The following CHN2 variants were observed in gnomAD, a reference collection of about 807,000 sequenced individuals.
CHN2 encodes beta-chimaerin.
In CHN2, 35 loss-of-function variants were observed where a neutral mutation model predicts 56.3. That is an observed-to-expected ratio of 0.62 (90% confidence interval 0.47 to 0.82). The LOEUF is 0.82. CHN2 is among the 40% of genes least tolerant of loss of function. The pLI is 0.00. For missense variants in CHN2, 491 were observed against 580.5 expected, an observed-to-expected ratio of 0.85 and a Z score of 1.58; for synonymous variants, 210 against 212.8, an observed-to-expected ratio of 0.99 and a Z score of 0.12.
intron 1 of CHN2, among the ~76,000 whole-genome samples, chr7:29,232,691 C>T (rs761596252): frequency 3.3e-5 from 5 of 152,200 alleles, no homozygotes; most frequent in Non-Finnish European, 5.9e-5. Context: ...TCATTCCTTT[C>T]CATCTGAGCT....
intron 7 of CHN2, among the ~76,000 whole-genome samples, chr7:29,491,013 TGTAA>T (rs1788603391): frequency 1.3e-5 from 2 of 152,242 alleles, no homozygotes; most frequent in African/African-American, 4.8e-5. Context: ...AATTTATCTT[TGTAA>T]GTCTTTCAAT....
rs1787034243 is a variant in CHN2, at chr7:29,480,273, TCA to T, written c.577-3_577-2del. 6.2e-7 allele frequency: 1 copy of T among 1,614,106 alleles called. No homozygotes were observed. Among genetic ancestry groups the T allele is most frequent in the South Asian group, 1.1e-5 (1 of 91,088 alleles). Reference sequence around the variant, plus strand: ...GCCCCCTCTCAAACTCTTTGCCTGTTCACAGATCTCCTCCCTGGTTCGAAGGG... The same window carrying T: ...GCCCCCTCTCAAACTCTTTGCCTGTTCAGATCTCCTCCCTGGTTCGAAGGG... On this transcript the variant is annotated splice_polypyrimidine_tract_variant and splice_region_variant and intron_variant, in intron 6 of 12. Transcript: ENST00000222792.
At chr7:29,210,623 A>G (rs1282895224) in intron 1 of CHN2, among the ~76,000 whole-genome samples, 1 of 150,982 alleles carries the variant, frequency 6.6e-6, no homozygotes, top group Non-Finnish European at 1.5e-5. Flanking sequence ...TCTTATATAT[A>G]TAATTATATC....
At chr7:29,486,046 C>T (rs1787952327) in intron 7 of CHN2, among the ~76,000 whole-genome samples, 1 of 152,120 alleles carries the variant, frequency 6.6e-6, no homozygotes, top group Admixed American at 6.5e-5. Context: ...CAGCCTGTAC[C>T]AGCTTCCCTT....
intron 7 of CHN2, among the ~76,000 whole-genome samples, chr7:29,492,902 C>T (rs564266693): frequency 2.6e-4 from 40 of 152,278 alleles, no homozygotes; most frequent in Middle Eastern, 6.8e-3. Context: ...CATTCTTCAC[C>T]TCTTGGCTTC....
chr7:29,344,994 C>T (rs1661645205), intron 1 of CHN2, among the ~76,000 whole-genome samples: 1 of 152,246 alleles, frequency 6.6e-6, no homozygotes, highest in South Asian at 2.1e-4. Context: ...TGAGCACCTG[C>T]TGTGTCCTGG....
chr7:29,502,645 C>T (rs959344967), intron 9 of CHN2, among the ~76,000 whole-genome samples: 5 of 152,132 alleles, frequency 3.3e-5, no homozygotes, highest in African/African-American at 9.7e-5. Flanking sequence ...TACAGGGTGA[C>T]GCTTTGCTCA....
rs1791818585 is a variant in CHN2, at chr7:29,514,242, A to G, written c.*1507A>G. Reference sequence around the variant, plus strand: ...CAAAAAATTATCTGGAAATGGTTTTATTTTGTGAAGTGAACAATACTTTGT... The same window carrying G: ...CAAAAAATTATCTGGAAATGGTTTTGTTTTGTGAAGTGAACAATACTTTGT... On this transcript the variant is annotated 3_prime_UTR_variant, in exon 13 of 13. Coordinates refer to ENST00000222792, the MANE Select transcript of CHN2 (RefSeq NM_004067.4). 2 of 152,606 alleles carry G rather than the reference A, an allele frequency of 1.3e-5. No individual in the cohort carries two copies. The highest frequency in any genetic ancestry group is 4.1e-4 in the South Asian group (2 of 4,830). The allele number at this position is 152,606 out of a possible 1,614,324, so 9.5% of individuals were successfully genotyped here. A position where few individuals can be genotyped will look rare whatever the true frequency, so the allele number is the denominator to read the frequency against.
intron 7 of CHN2, among the ~76,000 whole-genome samples, chr7:29,494,234 A>G (rs1178814309): frequency 6.6e-6 from 1 of 151,802 alleles, no homozygotes; most frequent in Non-Finnish European, 1.5e-5. Flanking sequence ...TGGTCTCTCT[A>G]GTAGCAGCCT....
At chr7:29,220,255 G>A (rs1012515145) in intron 1 of CHN2, among the ~76,000 whole-genome samples, 1 of 143,560 alleles carries the variant, frequency 7.0e-6, no homozygotes, top group Non-Finnish European at 1.5e-5. Context: ...GGGCCACAGA[G>A]GGAGACCCTG....
chr7:29,403,348 T>C (rs1288104014), intron 6 of CHN2, among the ~76,000 whole-genome samples: 6 of 151,726 alleles, frequency 4.0e-5, no homozygotes, highest in Non-Finnish European at 7.4e-5. Context: ...CCTGTTTGCT[T>C]TGCTAAGGGC....
intron 9 of CHN2, 47 bp downstream of exon 9, chr7:29,500,087 A>G: frequency 7.3e-7 from 1 of 1,375,366 alleles, no homozygotes; most frequent in South Asian, 1.8e-5. Flanking sequence ...TTTTATTTTT[A>G]TTGTTTGTTT....
upstream of CHN2, among the ~76,000 whole-genome samples, chr7:29,191,009 A>G (rs1782822725): frequency 6.6e-6 from 1 of 151,570 alleles, no homozygotes; most frequent in East Asian, 1.9e-4. Context: ...AACAGAGCTC[A>G]CTGCATCCTT....
At chr7:29,269,130 C>A (rs573323158) in intron 1 of CHN2, among the ~76,000 whole-genome samples, 15 of 152,242 alleles carry the variant, frequency 9.9e-5, no homozygotes, top group African/African-American at 3.1e-4. Context: ...TATAGTCACT[C>A]TATTGTGCTA....
At chr7:29,227,741 C>T (rs113005330) in intron 1 of CHN2, among the ~76,000 whole-genome samples, 3 of 152,280 alleles carry the variant, frequency 2.0e-5, no homozygotes, top group African/African-American at 7.2e-5. Context: ...GGTTGAAGTT[C>T]TATTCCTGAC....
intron 3 of CHN2, among the ~76,000 whole-genome samples, chr7:29,386,561 A>C (rs1800931343): frequency 6.6e-6 from 1 of 152,230 alleles, no homozygotes; most frequent in South Asian, 2.1e-4. Flanking sequence ...TGTTGAACAT[A>C]AAGGAACTTG....
At chr7:29,491,805 G>T (rs1441551477) in intron 7 of CHN2, among the ~76,000 whole-genome samples, 2 of 152,140 alleles carry the variant, frequency 1.3e-5, no homozygotes, top group African/African-American at 4.8e-5. Flanking sequence ...CAGTTAATTA[G>T]TAGCTCTTCT....
chr7:29,277,650 A>G (rs1404122167), intron 1 of CHN2, among the ~76,000 whole-genome samples: 2 of 152,216 alleles, frequency 1.3e-5, no homozygotes, highest in Non-Finnish European at 2.9e-5. Flanking sequence ...TGAACCATAC[A>G]CCAGCCTGCC....
At chr7:29,231,799 G>T (rs996597318) in intron 1 of CHN2, among the ~76,000 whole-genome samples, 7 of 152,118 alleles carry the variant, frequency 4.6e-5, no homozygotes, top group African/African-American at 1.4e-4. Flanking sequence ...GTTAAACAGG[G>T]TGTTTCCTTT....
Sources: allele counts gnomAD v4.1 joint callset (sites outside exome capture counted in the v4.1 genomes callset), GRCh38; gene constraint gnomAD v4.1.1; transcripts MANE v1.5; gene names NCBI Gene and HGNC (gene_info 2026-07-23, HGNC 2026-07-21).